Variants in TPPP observed in about 807,000 individuals in gnomAD.
TPPP encodes tubulin polymerization promoting protein, also known as tubulin polymerization-promoting protein.
TPPP carries 6 observed loss-of-function variants against 15.5 expected under a neutral mutation model. That is an observed-to-expected ratio of 0.39 (90% CI 0.21 to 0.77). The LOEUF (loss-of-function observed/expected upper bound fraction) is 0.77, where lower values mean the gene tolerates loss of function less well. Among genes scored for constraint, TPPP ranks in the 30% least tolerant of loss-of-function variants. The pLI is 0.42. For synonymous variants in TPPP, 146 were observed against 133.9 expected, an observed-to-expected ratio of 1.09 and a Z score of -0.63; for missense variants, 269 against 307.2, an observed-to-expected ratio of 0.88 and a Z score of 0.93.
chr5:670,177 AC>A (rs1236300710), intron 2 of TPPP, among the ~76,000 whole-genome samples: 2 of 152,040 alleles, frequency 1.3e-5, no homozygotes, highest in East Asian at 3.9e-4. Context: ...CCCTCCGAGG[AC>A]TGAGGCCTGT....
intron 2 of TPPP, among the ~76,000 whole-genome samples, chr5:667,537 C>T (rs549973151): frequency 6.6e-6 from 1 of 152,188 alleles, no homozygotes; most frequent in East Asian, 1.9e-4. Context: ...CAAAACATGG[C>T]CTATAGTGGA....
intron 2 of TPPP, chr5:675,768 G>T (rs1164534624): frequency 6.6e-6 from 1 of 152,522 alleles, no homozygotes; most frequent in Non-Finnish European, 1.5e-5. Flanking sequence ...CTGGGTTAGT[G>T]TGGGCTCCAA....
At chr5:671,175 C>T (rs11949492) in intron 2 of TPPP, among the ~76,000 whole-genome samples, 1 of 152,052 alleles carries the variant, frequency 6.6e-6, no homozygotes, top group African/African-American at 2.4e-5. Context: ...CGCACTGTCT[C>T]CCTCTGGGCG....
At chr5:683,357 C>T (rs1308938344) in intron 1 of TPPP, among the ~76,000 whole-genome samples, 2 of 152,190 alleles carry the variant, frequency 1.3e-5, no homozygotes, top group Non-Finnish European at 2.9e-5. Flanking sequence ...TGGGAAGTGA[C>T]CAGGCTGGGA....
chr5:685,266 T>C (rs1740736127), intron 1 of TPPP, among the ~76,000 whole-genome samples: 1 of 152,240 alleles, frequency 6.6e-6, no homozygotes, highest in Admixed American at 6.5e-5. Flanking sequence ...GCTCCTGCTC[T>C]CCAGGGACCC....
At chr5:682,752 C>A (rs1162761365) in intron 1 of TPPP, among the ~76,000 whole-genome samples, 2 of 152,170 alleles carry the variant, frequency 1.3e-5, no homozygotes, top group Admixed American at 1.3e-4. Context: ...CCCACGCCCA[C>A]GCGGGGGTGG....
At chr5:683,874 C>A (rs1368523878) in intron 1 of TPPP, among the ~76,000 whole-genome samples, 1 of 152,264 alleles carries the variant, frequency 6.6e-6, no homozygotes, top group Non-Finnish European at 1.5e-5. Context: ...CCTGCGGATA[C>A]CCCGGCCTCC....
At chr5:667,601 A>G (rs1739974898) in intron 2 of TPPP, among the ~76,000 whole-genome samples, 1 of 152,198 alleles carries the variant, frequency 6.6e-6, no homozygotes, top group African/African-American at 2.4e-5. Flanking sequence ...CTCTCAGAAG[A>G]CACCGTTAAG....
rs7737292 is a variant in TPPP at position 677,890 on chromosome 5, G to A, written c.171C>T (p.Arg57=). 8,809 of 1,612,726 alleles carry A rather than the reference G, an allele frequency of 5.5e-3. 418 individuals are homozygous for A. In the African/African-American group the frequency reaches 0.1, roughly 18 times the overall value. ...CCCTGGCGTCCCCGTGCACGGCAAA[G>A]CGCCGGAAGGCCTCCTCCAGGGCAC... ...ELSALEEAFR[R]FAVHGDARAT... is the part of the protein sequence containing the mutation. Residue 57 remains arginine, a synonymous_variant, in exon 2 of 4, where the codon CGC becomes CGT. Coordinates refer to ENST00000360578, the MANE Select transcript of TPPP (RefSeq NM_007030.3).
chr5:668,658 A>G (rs1362833068), intron 2 of TPPP, among the ~76,000 whole-genome samples: 1 of 152,246 alleles, frequency 6.6e-6, no homozygotes, highest in Non-Finnish European at 1.5e-5. Context: ...ATCACAGCCA[A>G]AGGTGGCCCA....
At chr5:676,850 G>A (rs1467738230) in intron 2 of TPPP, among the ~76,000 whole-genome samples, 1 of 147,264 alleles carries the variant, frequency 6.8e-6, no homozygotes, top group Non-Finnish European at 1.5e-5. Flanking sequence ...ACACGACACA[G>A]AAACGCGCAC....
upstream of TPPP, among the ~76,000 whole-genome samples, chr5:697,909 T>C (rs1005544597): frequency 1.5e-4 from 21 of 144,394 alleles, no homozygotes; most frequent in African/African-American, 5.4e-4. Context: ...TCAATATCCC[T>C]GTGAATATAG....
chr5:670,562 G>A (rs964052378), intron 2 of TPPP, among the ~76,000 whole-genome samples: 1 of 152,146 alleles, frequency 6.6e-6, no homozygotes, highest in African/African-American at 2.4e-5. Flanking sequence ...GGCCCCACGG[G>A]GGGAGGGGGA....
intron 2 of TPPP, among the ~76,000 whole-genome samples, chr5:672,424 C>T (rs1048700264): frequency 6.6e-6 from 1 of 152,272 alleles, no homozygotes; most frequent in Admixed American, 6.5e-5. Context: ...ATACACCACA[C>T]CCAGCACACA....
upstream of TPPP, among the ~76,000 whole-genome samples, chr5:697,223 C>A (rs556779158): frequency 6.6e-6 from 1 of 151,156 alleles, no homozygotes; most frequent in East Asian, 1.9e-4. Flanking sequence ...ACCCAGAGAA[C>A]GGCAGGTGAG....
upstream of TPPP, among the ~76,000 whole-genome samples, chr5:694,454 C>T (rs1224934785): frequency 9.2e-3 from 1,146 of 124,736 alleles, no homozygotes; most frequent in African/African-American, 0.027. Flanking sequence ...CCAGCAGGCC[C>T]TGGAATCCGC....
intron 2 of TPPP, among the ~76,000 whole-genome samples, chr5:670,714 T>C (rs1740190845): frequency 6.6e-6 from 1 of 152,206 alleles, no homozygotes; most frequent in Non-Finnish European, 1.5e-5. Flanking sequence ...GCCTTGGGGT[T>C]CCCCATGCCT....
intron 1 of TPPP, among the ~76,000 whole-genome samples, chr5:685,996 G>A (rs1358659814): frequency 6.6e-6 from 1 of 152,192 alleles, no homozygotes; most frequent in Non-Finnish European, 1.5e-5. Context: ...CCATGGGATG[G>A]AGGTGCCAAC....
At chr5:681,786 A>C (rs1342136280) in intron 1 of TPPP, among the ~76,000 whole-genome samples, 1 of 152,180 alleles carries the variant, frequency 6.6e-6, no homozygotes, top group South Asian at 2.1e-4. Context: ...AAGGCTTGGA[A>C]AGGACAGAAG....
Sources: gnomAD v4.1 joint callset for allele counts (sites outside exome capture counted in the v4.1 genomes callset) on GRCh38, gnomAD v4.1.1 for gene constraint, MANE v1.5 for transcripts, NCBI Gene and HGNC (gene_info 2026-07-23, HGNC 2026-07-21) for gene names.